The following PRH1 variants were observed in gnomAD, a reference collection of about 807,000 sequenced individuals.
PRH1 encodes proline rich protein HaeIII subfamily 1, also known as salivary acidic proline-rich phosphoprotein 1/2.
A neutral mutation model predicts 7.9 loss-of-function variants in PRH1; 7 were observed. That is an observed-to-expected ratio of 0.89 (90% CI 0.50 to 1.67). The LOEUF (loss-of-function observed/expected upper bound fraction) is 1.67, where lower values mean the gene tolerates loss of function less well. Ranked by LOEUF, PRH1 falls within the 40% of genes most tolerant of loss-of-function variation. PRH1 has a pLI of 0.00. For synonymous variants in PRH1, 45 were observed against 80.8 expected (o/e 0.56, Z 2.38); for missense variants, 109 against 223.6 (o/e 0.49, Z 3.27).
At chr12:10,892,771 T>C (rs1372631890) in intron 2 of PRH1, among the ~76,000 whole-genome samples, 2 of 152,204 alleles carry the variant, frequency 1.3e-5, no homozygotes, top group Non-Finnish European at 2.9e-5. Flanking sequence ...TTCTATACTC[T>C]AATTTTTAAA....
intron 1 of PRH1, among the ~76,000 whole-genome samples, chr12:10,976,500 C>G (rs936766949): frequency 2.6e-5 from 4 of 152,050 alleles, no homozygotes; most frequent in Non-Finnish European, 4.4e-5. Flanking sequence ...CCTAACATCC[C>G]AACAAAAAGA....
intron 2 of PRH1, chr12:10,908,053 G>C: frequency 4.3e-6 from 1 of 231,326 alleles, no homozygotes; most frequent in Middle Eastern, 1.5e-3. Flanking sequence ...GAATGATTTA[G>C]AATTGAAGAG....
At chr12:10,985,860 A>G (rs939641486) in intron 1 of PRH1, 7 of 1,265,328 alleles carry the variant, frequency 5.5e-6, no homozygotes, top group Non-Finnish European at 6.6e-6. Context: ...AACAGTAAAA[A>G]GTATAAAATG....
At chr12:10,964,659 T>G (rs1938415251) in intron 2 of PRH1, 2 of 570,782 alleles carry the variant, frequency 3.5e-6, no homozygotes, top group Non-Finnish European at 3.2e-6. Flanking sequence ...AGGAAGGAGG[T>G]CACCGTTTGC....
chr12:11,146,516 C>T (rs1041731146), intron 1 of PRH1, among the ~76,000 whole-genome samples: 3 of 151,968 alleles, frequency 2.0e-5, no homozygotes, highest in African/African-American at 7.2e-5. Context: ...TTATCAAATG[C>T]CTAGATGTAT....
intron 2 of PRH1, among the ~76,000 whole-genome samples, chr12:10,900,342 G>A (rs1770598327): frequency 6.6e-6 from 1 of 152,158 alleles, no homozygotes; most frequent in South Asian, 2.1e-4. Context: ...AAAGGTTCAG[G>A]CCTTTTCTCA....
intron 1 of PRH1, among the ~76,000 whole-genome samples, chr12:11,135,941 T>G (rs1429253419): frequency 6.6e-6 from 1 of 152,158 alleles, no homozygotes; most frequent in East Asian, 1.9e-4. Context: ...TATGTTAAAA[T>G]TATAATGCAC....
intron 1 of PRH1, among the ~76,000 whole-genome samples, chr12:11,067,303 A>T (rs889417445): frequency 2.0e-5 from 3 of 152,232 alleles, no homozygotes; most frequent in Admixed American, 1.3e-4. Flanking sequence ...GAATGCTAAC[A>T]ATATGAATAC....
intron 1 of PRH1, among the ~76,000 whole-genome samples, chr12:11,111,053 AGAG>A (rs1358202718): frequency 6.6e-6 from 1 of 152,230 alleles, no homozygotes; most frequent in African/African-American, 2.4e-5. Context: ...AAAAAGACAA[AGAG>A]GAGAATTACA....
At chr12:10,985,936 G>C in intron 1 of PRH1, 1 of 1,578,376 alleles carries the variant, frequency 6.3e-7, no homozygotes, top group Non-Finnish European at 8.6e-7. Flanking sequence ...TGAATCTAGA[G>C]AGTTGAGAGT....
intron 1 of PRH1, among the ~76,000 whole-genome samples, chr12:10,883,297 A>C (rs1267125862): frequency 6.6e-6 from 1 of 152,106 alleles, no homozygotes; most frequent in Non-Finnish European, 1.5e-5. Flanking sequence ...TCAACCAGGA[A>C]CTCAACATAG....
At chr12:10,951,344 G>T (rs561768466) in intron 2 of PRH1, among the ~76,000 whole-genome samples, 4 of 152,200 alleles carry the variant, frequency 2.6e-5, no homozygotes, top group Non-Finnish European at 5.9e-5. Context: ...CTAAATTTCT[G>T]AAGGAAGCTT....
intron 1 of PRH1, among the ~76,000 whole-genome samples, chr12:11,023,258 T>C (rs1212885573): frequency 2.6e-5 from 4 of 152,116 alleles, no homozygotes; most frequent in Admixed American, 2.0e-4. Flanking sequence ...CTCACACCCT[T>C]AGGGCATGGA....
chr12:11,073,008 C>G (rs549620781), intron 1 of PRH1, among the ~76,000 whole-genome samples: 19 of 151,246 alleles, frequency 1.3e-4, no homozygotes, highest in Non-Finnish European at 1.0e-4. Context: ...AATACTTGAA[C>G]GTTAAATAGA....
Position 11,169,477 on chromosome 12 carries a change from G to A in PRH1, n.39+1945C>T, listed in dbSNP as rs116970389. 8.2e-3 allele frequency among the ~76,000 whole-genome samples: 1,241 copies of A among 152,250 alleles called. 6 individuals are homozygous for A. The highest frequency in any genetic ancestry group is 0.017 in the Middle Eastern group (5 of 294). ...AATCTGGCCATGTTATCAGTGGGTG[G>A]CTGCTATTTTCCCCACGGTCTCAGG... On this transcript the variant is annotated intron_variant and non_coding_transcript_variant, in intron 1 of 1. Transcript: ENST00000541175.
intron 1 of PRH1, among the ~76,000 whole-genome samples, chr12:10,985,412 G>T (rs967140454): frequency 6.6e-6 from 1 of 151,966 alleles, no homozygotes; most frequent in African/African-American, 2.4e-5. Flanking sequence ...AATTCATGAT[G>T]AAATAAAAAC....
intron 1 of PRH1, among the ~76,000 whole-genome samples, chr12:11,036,289 T>C (rs1942432213): frequency 6.6e-6 from 1 of 152,246 alleles, no homozygotes; most frequent in South Asian, 2.1e-4. Context: ...TATCAAAAAA[T>C]GAAGGACATC....
intron 2 of PRH1, among the ~76,000 whole-genome samples, chr12:10,912,200 T>C (rs1369749918): frequency 6.6e-6 from 1 of 152,164 alleles, no homozygotes; most frequent in Non-Finnish European, 1.5e-5. Context: ...TTGGTTTATT[T>C]TGAGTTTGGA....
chr12:11,145,471 G>A (rs1444613097), intron 1 of PRH1, among the ~76,000 whole-genome samples: 1 of 152,092 alleles, frequency 6.6e-6, no homozygotes, highest in African/African-American at 2.4e-5. Flanking sequence ...AGGATTACAG[G>A]TGTGAGCCAC....
Sources: gnomAD v4.1 joint callset for allele counts (sites outside exome capture counted in the v4.1 genomes callset) on GRCh38, gnomAD v4.1.1 for gene constraint, MANE v1.5 for transcripts, NCBI Gene and HGNC (gene_info 2026-07-23, HGNC 2026-07-21) for gene names.